CDYL2: variants seen among roughly 807,000 people sequenced by gnomAD.
The protein encoded by CDYL2 is chromodomain Y like 2, also known as chromodomain Y-like protein 2.
CDYL2 carries 23 observed loss-of-function variants against 49.4 expected under a neutral mutation model. That is an observed-to-expected ratio of 0.47 (90% CI 0.34 to 0.66). The LOEUF is 0.66. Ranked by LOEUF, CDYL2 falls within the 30% of genes least tolerant of loss-of-function variation. The pLI is 0.01. For missense variants in CDYL2, 678 were observed against 656.4 expected, an observed-to-expected ratio of 1.03 and a Z score of -0.36; for synonymous variants, 360 against 268.8, an observed-to-expected ratio of 1.34 and a Z score of -3.32.
intron 2 of CDYL2, among the ~76,000 whole-genome samples, chr16:80,682,711 A>C (rs919186192): frequency 5.3e-5 from 8 of 152,138 alleles, no homozygotes; most frequent in Non-Finnish European, 1.2e-4. Flanking sequence ...AAGGGCCACA[A>C]AATCTCCCCT....
chr16:80,678,719 C>G (rs1909853933), intron 2 of CDYL2, among the ~76,000 whole-genome samples: 1 of 150,396 alleles, frequency 6.6e-6, no homozygotes, highest in South Asian at 2.1e-4. Context: ...CCTCAGGGAT[C>G]TAGAACTAGA....
rs1009393945 is a variant in CDYL2 at position 80,763,143 on chromosome 16, G to A, written c.24+41007C>T. 2.0e-5 allele frequency among the ~76,000 whole-genome samples: 3 copies of A among 150,692 alleles called. 1 individual carries two copies. Among genetic ancestry groups the A allele is most frequent in the Non-Finnish European group, 4.4e-5 (3 of 67,978 alleles). On this transcript the variant is annotated intron_variant, in intron 1 of 6. Coordinates refer to ENST00000570137, the MANE Select transcript of CDYL2 (RefSeq NM_152342.4). ...AGACTGTGCCACTGCACTCCAGCAG[G>A]AACCTAACTAATCCTGTATTCCCAC...
intron 3 of CDYL2, among the ~76,000 whole-genome samples, chr16:80,632,410 A>G (rs13333789): frequency 0.43 from 65,400 of 152,006 alleles, 16,062 homozygotes; most frequent in African/African-American, 0.68. Context: ...AGGGCATGGG[A>G]GAAAGGAGAA....
At chr16:80,745,235 C>A (rs1905886338) in intron 1 of CDYL2, among the ~76,000 whole-genome samples, 1 of 152,122 alleles carries the variant, frequency 6.6e-6, no homozygotes, top group Admixed American at 6.5e-5. Context: ...TAACTGAGAC[C>A]TTCTAACTCC....
intron 2 of CDYL2, among the ~76,000 whole-genome samples, chr16:80,676,341 G>A (rs1181623662): frequency 6.6e-6 from 1 of 152,210 alleles, no homozygotes; most frequent in African/African-American, 2.4e-5. Flanking sequence ...GCCTGGGGGT[G>A]GGTACTTGAA....
Position 80,616,468 on chromosome 16 carries a change from C to A in CDYL2, c.1008-3632G>T, listed in dbSNP as rs555981470. ...GGTGACCCAGCAGCAAAATTCTGCT[C>A]ACAGGAGTGCCTCAATTTCCCCTGG... On this transcript the variant is annotated intron_variant, in intron 4 of 6. Coordinates refer to ENST00000570137, the MANE Select transcript of CDYL2 (RefSeq NM_152342.4). Among the ~76,000 whole-genome samples, 7 of 152,326 alleles carry A rather than the reference C, an allele frequency of 4.6e-5. No homozygotes were observed. In the South Asian group the frequency reaches 1.5e-3, roughly 32 times the overall value.
chr16:80,739,413 T>A (rs2142549581), intron 1 of CDYL2, among the ~76,000 whole-genome samples: 1 of 152,308 alleles, frequency 6.6e-6, no homozygotes, highest in South Asian at 2.1e-4. Context: ...AAATTTTATG[T>A]TATATGTATT....
At chr16:80,712,005 G>GTA (rs528967725) in intron 1 of CDYL2, among the ~76,000 whole-genome samples, 1 of 149,876 alleles carries the variant, frequency 6.7e-6, no homozygotes, top group East Asian at 2.0e-4. Flanking sequence ...ATATATGTGT[G>GTA]TATATATGTG....
intron 1 of CDYL2, among the ~76,000 whole-genome samples, chr16:80,692,719 T>C (rs1056009090): frequency 1.8e-4 from 28 of 152,198 alleles, no homozygotes; most frequent in Admixed American, 1.5e-3. Context: ...GATTTTTAAA[T>C]GCCAAGTTAA....
At position 80,804,486 on chromosome 16, in the gene CDYL2, C is replaced by T. The variant is rs1184257181; in HGVS notation, c.-313G>A. On this transcript the variant is annotated 5_prime_UTR_variant, in exon 1 of 7. Transcript: ENST00000570137. ...CACGGACGCGGCCCGAGCGCCGCGG[C>T]CCCCGCGACCCGGCGACCCGGCGGC... Among the ~76,000 whole-genome samples the T allele has an allele frequency of 1.4e-5, 2 of 144,684 alleles. No homozygotes were observed. The highest frequency in any genetic ancestry group is 4.2e-4 in the South Asian group (2 of 4,756). The allele number at this position is 144,684 out of a possible 152,430, so 94.9% of individuals were successfully genotyped here. A position where few individuals can be genotyped will look rare whatever the true frequency, so the allele number is the denominator to read the frequency against.
chr16:80,764,509 G>C (rs956194448), intron 1 of CDYL2, among the ~76,000 whole-genome samples: 1 of 152,128 alleles, frequency 6.6e-6, no homozygotes, highest in Non-Finnish European at 1.5e-5. Context: ...GCAATGAAAA[G>C]AGACAATCAT....
intron 2 of CDYL2, among the ~76,000 whole-genome samples, chr16:80,678,059 T>G (rs889031641): frequency 6.6e-6 from 1 of 152,030 alleles, no homozygotes; most frequent in Non-Finnish European, 1.5e-5. Flanking sequence ...GCTAGCCATA[T>G]GTAGAAAGCT....
rs1906061479 is a variant in CDYL2, at chr16:80,601,090, A to G, written c.*3298T>C. The G allele has an allele frequency of 6.6e-6, 1 of 152,238 alleles. No homozygotes were observed. Among genetic ancestry groups the G allele is most frequent in the African/African-American group, 2.4e-5 (1 of 41,460 alleles). 9.4% of individuals were successfully genotyped at this position (152,238 alleles called of 1,614,324 possible). A position where few individuals can be genotyped will look rare whatever the true frequency, so the allele number is the denominator to read the frequency against. On this transcript the variant is annotated 3_prime_UTR_variant, in exon 7 of 7. Transcript: ENST00000570137. ...TGATTTTGATGGCTGTTACCCAGACATTATTTCTATGCCGGAAGGGGCACA... is the reference window on the plus strand; with the variant it reads ...TGATTTTGATGGCTGTTACCCAGACGTTATTTCTATGCCGGAAGGGGCACA...
chr16:80,662,273 A>T (rs755021878), intron 2 of CDYL2, among the ~76,000 whole-genome samples: 12 of 152,212 alleles, frequency 7.9e-5, no homozygotes, highest in Non-Finnish European at 1.6e-4. Context: ...CTTCCATTGC[A>T]AACAAAATAG....
chr16:80,624,467 C>T (rs1907218428), intron 3 of CDYL2, among the ~76,000 whole-genome samples: 2 of 152,138 alleles, frequency 1.3e-5, no homozygotes. Context: ...AGTAATATCC[C>T]TGAGGTGTCT....
intron 2 of CDYL2, among the ~76,000 whole-genome samples, chr16:80,649,534 G>T (rs568652649): frequency 6.6e-6 from 1 of 152,076 alleles, no homozygotes; most frequent in Admixed American, 6.5e-5. Flanking sequence ...TTGTTAAAAT[G>T]GCCATACTAC....
At chr16:80,651,816 G>A (rs960837007) in intron 2 of CDYL2, among the ~76,000 whole-genome samples, 1 of 152,134 alleles carries the variant, frequency 6.6e-6, no homozygotes, top group South Asian at 2.1e-4. Context: ...GATTCCCATG[G>A]CGGTAGGGGC....
intron 1 of CDYL2, among the ~76,000 whole-genome samples, chr16:80,796,645 T>G (rs1190072247): frequency 6.6e-6 from 1 of 152,194 alleles, no homozygotes; most frequent in African/African-American, 2.4e-5. Flanking sequence ...CACCACAATC[T>G]TTTGTTATCC....
chr16:80,766,124 T>C (rs1174710088), intron 1 of CDYL2, among the ~76,000 whole-genome samples: 2 of 151,308 alleles, frequency 1.3e-5, no homozygotes, highest in Non-Finnish European at 3.0e-5. Context: ...GATAGAGGTG[T>C]TTTTTTTGAA....
Sources: allele counts gnomAD v4.1 joint callset (sites outside exome capture counted in the v4.1 genomes callset), GRCh38; gene constraint gnomAD v4.1.1; transcripts MANE v1.5; gene names NCBI Gene and HGNC (gene_info 2026-07-23, HGNC 2026-07-21).